PHLPP1: variants seen among roughly 807,000 people sequenced by gnomAD.
PHLPP1 encodes PH domain leucine-rich repeat-containing protein phosphatase 1.
In PHLPP1, 42 loss-of-function variants were observed where a neutral mutation model predicts 117.2. The observed-to-expected ratio is 0.36, with a 90% CI of 0.28 to 0.46. The LOEUF is 0.46. Ranked by LOEUF, PHLPP1 falls within the 20% of genes least tolerant of loss-of-function variation. The pLI is 1.00. For missense variants in PHLPP1, 2,084 were observed against 2,241.9 expected (o/e 0.93, Z 1.42); for synonymous variants, 1,042 against 970.7 (o/e 1.07, Z -1.37).
rs34187461 is a variant in PHLPP1 at position 62,965,452 on chromosome 18, C to CTTTTT, written c.3560+2000_3560+2004dup. ...GGAGCTACAGTTGGATAATCAGCCTCTTTTTTTTTTTTTTTTTTTTTTTTG... is the reference window on the plus strand; with the variant it reads ...GGAGCTACAGTTGGATAATCAGCCTCTTTTTTTTTTTTTTTTTTTTTTTTTTTTTG... On this transcript the variant is annotated intron_variant, in intron 14 of 16. Coordinates refer to ENST00000262719, the MANE Select transcript of PHLPP1 (RefSeq NM_194449.4). 2.0e-3 allele frequency among the ~76,000 whole-genome samples: 154 copies of CTTTTT among 76,128 alleles called. 2 individuals carry two copies. The highest frequency in any genetic ancestry group is 4.3e-3 in the African/African-American group (77 of 17,954). The allele number at this position is 76,128 out of a possible 152,430, so 49.9% of individuals were successfully genotyped here.
At position 62,716,000 on chromosome 18, in the gene PHLPP1, C is replaced by A; in HGVS notation, c.317C>A (p.Ala106Asp). 5 of 1,365,114 alleles carry A rather than the reference C, an allele frequency of 3.7e-6. No homozygotes were observed. Among genetic ancestry groups the A allele is most frequent in the Middle Eastern group, 2.7e-4 (1 of 3,700 alleles). 84.6% of individuals were successfully genotyped at this position (1,365,114 alleles called of 1,614,324 possible). The change falls in exon 1 of 17, where the codon GCT becomes GAT. Residue 106 changes from alanine to aspartate, a missense_variant. Around this residue, in one of 2 missense-constraint regions of PHLPP1, gnomAD observed 719 missense variants for 636.0 expected, o/e 1.13. Coordinates refer to ENST00000262719, the MANE Select transcript of PHLPP1 (RefSeq NM_194449.4). ...RGAPQPIAGGAAPVPGAGGGA... is the reference protein window; with the variant it reads ...RGAPQPIAGGDAPVPGAGGGA... ...GCGCCCCAGCCCATTGCCGGCGGGG[C>A]TGCCCCCGTACCCGGGGCCGGCGGC...
chr18:62,735,564 AAACAAC>A (rs34600395), intron 1 of PHLPP1, among the ~76,000 whole-genome samples: 1,564 of 142,984 alleles, frequency 0.011, 26 homozygotes, highest in African/African-American at 0.032. Flanking sequence ...CCCCCCATCA[AAACAAC>A]AACAACAACA....
intron 1 of PHLPP1, among the ~76,000 whole-genome samples, chr18:62,822,290 T>G (rs1224111671): frequency 5.5e-5 from 8 of 144,948 alleles, no homozygotes; most frequent in African/African-American, 1.0e-4. Flanking sequence ...GTTTTTGTTT[T>G]TTTTTTTTTG....
At chr18:62,797,884 T>TTAA in intron 1 of PHLPP1, among the ~76,000 whole-genome samples, 1 of 152,310 alleles carries the variant, frequency 6.6e-6, no homozygotes, top group East Asian at 1.9e-4. Context: ...TGACCATGAT[T>TTAA]TAATGTTCTG....
chr18:62,859,614 G>T (rs1915582373), intron 3 of PHLPP1, among the ~76,000 whole-genome samples: 1 of 152,150 alleles, frequency 6.6e-6, no homozygotes, highest in African/African-American at 2.4e-5. Flanking sequence ...TAAAGGTCTT[G>T]TTCTTTTTCT....
At chr18:62,730,860 C>CT (rs1392995134) in intron 1 of PHLPP1, among the ~76,000 whole-genome samples, 1 of 150,704 alleles carries the variant, frequency 6.6e-6, no homozygotes, top group Non-Finnish European at 1.5e-5. Flanking sequence ...TGTGGAAGTG[C>CT]TTTGTAAACT....
At chr18:62,850,022 C>A (rs1915298689) in intron 3 of PHLPP1, among the ~76,000 whole-genome samples, 1 of 149,994 alleles carries the variant, frequency 6.7e-6, no homozygotes. Flanking sequence ...TCTATAAACT[C>A]TGTATTAAAC....
intron 2 of PHLPP1, among the ~76,000 whole-genome samples, chr18:62,830,495 C>G (rs1036228060): frequency 6.6e-6 from 1 of 152,164 alleles, no homozygotes; most frequent in Non-Finnish European, 1.5e-5. Context: ...TCCCAAAGTG[C>G]TGGGATTACA....
intron 2 of PHLPP1, among the ~76,000 whole-genome samples, chr18:62,831,562 C>A (rs770065422): frequency 8.5e-5 from 13 of 152,128 alleles, no homozygotes; most frequent in Non-Finnish European, 1.6e-4. Flanking sequence ...TGGTCTTGAT[C>A]TCCTGACCTC....
At chr18:62,887,105 C>T (rs955942382) in intron 4 of PHLPP1, among the ~76,000 whole-genome samples, 6 of 152,132 alleles carry the variant, frequency 3.9e-5, no homozygotes, top group Admixed American at 3.3e-4. Context: ...ATAGTGCTTT[C>T]CTGAGGCCAT....
At chr18:62,930,629 T>C (rs923689125) in intron 10 of PHLPP1, among the ~76,000 whole-genome samples, 1 of 152,176 alleles carries the variant, frequency 6.6e-6, no homozygotes, top group Non-Finnish European at 1.5e-5. Context: ...CAGTATCTCA[T>C]TAAACAGACT....
intron 1 of PHLPP1, among the ~76,000 whole-genome samples, chr18:62,775,658 A>G (rs1363094713): frequency 3.3e-5 from 5 of 152,242 alleles, no homozygotes; most frequent in Admixed American, 3.3e-4. Flanking sequence ...TAATGACACT[A>G]TCATTCACCT....
chr18:62,819,517 T>G (rs1437537090), intron 1 of PHLPP1, among the ~76,000 whole-genome samples: 1 of 152,194 alleles, frequency 6.6e-6, no homozygotes, highest in Non-Finnish European at 1.5e-5. Context: ...TCAATTTCAA[T>G]TCAAACACAT....
At chr18:62,857,062 T>C (rs1046095585) in intron 3 of PHLPP1, among the ~76,000 whole-genome samples, 8 of 152,128 alleles carry the variant, frequency 5.3e-5, no homozygotes, top group Admixed American at 2.6e-4. Flanking sequence ...AGAACGGTAA[T>C]TGGCACCTCT....
intron 12 of PHLPP1, among the ~76,000 whole-genome samples, chr18:62,954,245 T>G (rs1910551367): frequency 6.6e-6 from 1 of 152,232 alleles, no homozygotes; most frequent in South Asian, 2.1e-4. Context: ...TATAACAAAG[T>G]AATTTTTGTT....
chr18:62,926,420 G>T (rs485784), intron 10 of PHLPP1, among the ~76,000 whole-genome samples: 71,675 of 151,910 alleles, frequency 0.47, 17,025 homozygotes, highest in Middle Eastern at 0.57. Flanking sequence ...ATTGAAAAGA[G>T]GCCCTTCGTA....
intron 4 of PHLPP1, among the ~76,000 whole-genome samples, chr18:62,868,052 C>T (rs189715631): frequency 6.6e-6 from 1 of 152,234 alleles, no homozygotes; most frequent in African/African-American, 2.4e-5. Context: ...CCTTGTGATC[C>T]TCCCGCGTCA....
At chr18:62,848,705 C>T (rs1915246060) in intron 3 of PHLPP1, among the ~76,000 whole-genome samples, 1 of 152,040 alleles carries the variant, frequency 6.6e-6, no homozygotes, top group Non-Finnish European at 1.5e-5. Context: ...CTGAAGCAGT[C>T]CTCCCACCTT....
chr18:62,944,120 G>T (rs1016799398), intron 11 of PHLPP1, among the ~76,000 whole-genome samples: 1 of 152,012 alleles, frequency 6.6e-6, no homozygotes, highest in Non-Finnish European at 1.5e-5. Flanking sequence ...ACTATAACAG[G>T]TAGAAACAAT....
Sources: allele counts gnomAD v4.1 joint callset (sites outside exome capture counted in the v4.1 genomes callset), GRCh38; gene constraint gnomAD v4.1.1; regional missense constraint gnomAD v4.1.1; transcripts MANE v1.5; gene names NCBI Gene and HGNC (gene_info 2026-07-23, HGNC 2026-07-21).